The following SNRPD1 variants were observed in gnomAD, a reference collection of about 807,000 sequenced individuals.
SNRPD1 encodes the protein small nuclear ribonucleoprotein D1 polypeptide.
Under a neutral mutation model 14.4 loss-of-function variants are expected in SNRPD1, and 1 was observed. The ratio of observed to expected loss-of-function variants is 0.07; its 90% CI spans 0.02 to 0.33. SNRPD1 has a LOEUF of 0.33. Ranked by LOEUF, SNRPD1 falls within the 10% of genes least tolerant of loss-of-function variation. The pLI is 1.00. For synonymous variants in SNRPD1, 42 were observed against 50.3 expected, an observed-to-expected ratio of 0.83 and a Z score of 0.70; for missense variants, 52 against 146.4, an observed-to-expected ratio of 0.36 and a Z score of 3.33.
Position 21,629,973 on chromosome 18 carries a change from T to G in SNRPD1, c.*835T>G, listed in dbSNP as rs974818703. 3 of 152,196 alleles carry G rather than the reference T, an allele frequency of 2.0e-5. No individual in the cohort carries two copies. Among genetic ancestry groups the G allele is most frequent in the African/African-American group, 7.2e-5 (3 of 41,450 alleles). 9.4% of individuals were successfully genotyped at this position (152,196 alleles called of 1,614,324 possible). ...GAGTTTTACTCCACGGAGTCTTAGG[T>G]ACCTGGTAAAAAGTTGTCTTCTAAA... is the stretch of plus-strand genomic sequence containing the variant. On this transcript the variant is annotated 3_prime_UTR_variant, in exon 4 of 4. Transcript: ENST00000300413.
At chr18:21,621,241 A>G (rs573382585) in intron 1 of SNRPD1, among the ~76,000 whole-genome samples, 14 of 152,296 alleles carry the variant, frequency 9.2e-5, no homozygotes, top group East Asian at 3.9e-4. Flanking sequence ...CAAATTGACA[A>G]AAATTTGAAA....
chr18:21,618,800 TA>T (rs962502915), intron 1 of SNRPD1, among the ~76,000 whole-genome samples: 1 of 150,322 alleles, frequency 6.7e-6, no homozygotes, highest in Non-Finnish European at 1.5e-5. Flanking sequence ...TCTATACCAC[TA>T]AAAAAAAAGA....
intron 3 of SNRPD1, 91 bp from the exon 4 acceptor site, chr18:21,628,971 G>A: frequency 2.1e-6 from 2 of 936,652 alleles, no homozygotes; most frequent in Non-Finnish European, 3.5e-6. Context: ...CTATAAACAG[G>A]GAAAGGTGTG....
At position 21,612,346 on chromosome 18, in the gene SNRPD1, C is replaced by G. The variant is rs369850023; in HGVS notation, c.-84C>G. On this transcript the variant is annotated 5_prime_UTR_variant, in exon 1 of 4. Transcript: ENST00000300413. ...TCCGGAGCCCCTGGAGTAGGCGCTT[C>G]CGGCCATTCATACTGCAGTCGGTCA... The G allele has an allele frequency of 7.4e-4, 808 of 1,090,578 alleles. No individual in the cohort carries two copies. The highest frequency in any genetic ancestry group is 1.0e-3 in the Non-Finnish European group (773 of 774,810). 67.6% of individuals were successfully genotyped at this position (1,090,578 alleles called of 1,614,324 possible).
chr18:21,612,329 C>A lies in SNRPD1; in HGVS notation c.-101C>A, dbSNP rs1273189332. On this transcript the variant is annotated 5_prime_UTR_variant, in exon 1 of 4. Transcript: ENST00000300413. Reference sequence around the variant, plus strand: ...TCCGCGCGCTCTTGACGTCCGGAGCCCCTGGAGTAGGCGCTTCCGGCCATT... The same window carrying A: ...TCCGCGCGCTCTTGACGTCCGGAGCACCTGGAGTAGGCGCTTCCGGCCATT... 3.5e-6 allele frequency: 3 copies of A among 848,152 alleles called. No individual in the cohort carries two copies. Among genetic ancestry groups the A allele is most frequent in the Non-Finnish European group, 5.3e-6 (3 of 564,540 alleles). 52.5% of individuals were successfully genotyped at this position (848,152 alleles called of 1,614,324 possible).
intron 2 of SNRPD1, among the ~76,000 whole-genome samples, chr18:21,623,282 G>C (rs1443784294): frequency 6.6e-6 from 1 of 152,090 alleles, no homozygotes; most frequent in Admixed American, 6.6e-5. Context: ...TGGTAGAGAC[G>C]GGGTTTCATC....
chr18:21,623,983 A>G (rs535777468), intron 3 of SNRPD1, 44 bp downstream of exon 3: 2 of 1,089,100 alleles, frequency 1.8e-6, no homozygotes, highest in African/African-American at 3.2e-5. Context: ...TGCTAATCCT[A>G]ATCCACACTA....
chr18:21,630,922 A>C lies in SNRPD1; in HGVS notation c.*1784A>C, dbSNP rs932103509. Reference sequence around the variant, plus strand: ...ATATTGGTATAAATAAATACTAGATATATATTTTTTTAAGTATCTTACCTC... The same window carrying C: ...ATATTGGTATAAATAAATACTAGATCTATATTTTTTTAAGTATCTTACCTC... On this transcript the variant is annotated 3_prime_UTR_variant, in exon 4 of 4. Transcript: ENST00000300413. 7 of 150,594 alleles carry C rather than the reference A, an allele frequency of 4.6e-5. No individual in the cohort carries two copies. The Admixed American group carries it at 4.7e-4, about 10-fold the overall frequency. The allele number at this position is 150,594 out of a possible 1,614,324, so 9.3% of individuals were successfully genotyped here. A position where few individuals can be genotyped will look rare whatever the true frequency, so the allele number is the denominator to read the frequency against.
At chr18:21,625,397 A>G (rs1417594175) in intron 3 of SNRPD1, among the ~76,000 whole-genome samples, 11 of 140,624 alleles carry the variant, frequency 7.8e-5, no homozygotes, top group Non-Finnish European at 1.6e-4. Flanking sequence ...GCTCACTGCA[A>G]CCTCTGCCTC....
chr18:21,619,105 T>C lies in SNRPD1; in HGVS notation c.15-3620T>C, dbSNP rs199619689. On this transcript the variant is annotated intron_variant, in intron 1 of 3. Coordinates refer to ENST00000300413, the MANE Select transcript of SNRPD1 (RefSeq NM_006938.4). The stretch of plus-strand genomic sequence containing the variant: ...ATGTGATTGTGAGATTATGGTTATA[T>C]AGGAGAATGTCATTAGAAAATGCAT... Among the ~76,000 whole-genome samples, 3 of 152,210 alleles carry C rather than the reference T, an allele frequency of 2.0e-5. No individual in the cohort carries two copies. In the East Asian group the frequency reaches 5.8e-4, roughly 29 times the overall value.
chr18:21,625,309 GA>G (rs201010894), intron 3 of SNRPD1, among the ~76,000 whole-genome samples: 5 of 88,170 alleles, frequency 5.7e-5, no homozygotes, highest in Non-Finnish European at 8.3e-5. Context: ...AAATTTTGTT[GA>G]AAAAAATTTT....
chr18:21,628,203 G>A (rs1047318578), intron 3 of SNRPD1, among the ~76,000 whole-genome samples: 1 of 152,042 alleles, frequency 6.6e-6, no homozygotes, highest in African/African-American at 2.4e-5. Context: ...AACAAAGGGA[G>A]ACCTCATCTC....
chr18:21,613,958 T>G (rs1412101935), intron 1 of SNRPD1, among the ~76,000 whole-genome samples: 9 of 151,492 alleles, frequency 5.9e-5, no homozygotes, highest in Admixed American at 5.3e-4. Flanking sequence ...TAACTTTGGA[T>G]AGGAAGTCAT....
intron 2 of SNRPD1, among the ~76,000 whole-genome samples, chr18:21,623,146 C>T (rs954436745): frequency 6.6e-6 from 1 of 152,002 alleles, no homozygotes; most frequent in South Asian, 2.1e-4. Flanking sequence ...AGTGCAGTGG[C>T]ACAATCTCAG....
intron 3 of SNRPD1, among the ~76,000 whole-genome samples, chr18:21,626,179 A>C (rs549420113): frequency 2.6e-5 from 4 of 151,172 alleles, no homozygotes; most frequent in African/African-American, 9.7e-5. Context: ...GATCGCCTGA[A>C]CTCGGAAGTT....
At chr18:21,623,319 C>T (rs1203133835) in intron 2 of SNRPD1, among the ~76,000 whole-genome samples, 1 of 152,202 alleles carries the variant, frequency 6.6e-6, no homozygotes, top group Non-Finnish European at 1.5e-5. Flanking sequence ...TCTCGAACTC[C>T]TGACCTCATG....
chr18:21,633,496 C>A lies in SNRPD1; in HGVS notation c.*4358C>A, dbSNP rs1192589076. 1 of 151,976 alleles carries A rather than the reference C, an allele frequency of 6.6e-6. No individual in the cohort carries two copies. Among genetic ancestry groups the A allele is most frequent in the Non-Finnish European group, 1.5e-5 (1 of 68,000 alleles). 9.4% of individuals were successfully genotyped at this position (151,976 alleles called of 1,614,324 possible). Reference sequence around the variant, plus strand: ...TTATTAATGTGAAATTCTTGTGGATCTGTGAAATAAAGAGGAGTACTTTCT... The same window carrying A: ...TTATTAATGTGAAATTCTTGTGGATATGTGAAATAAAGAGGAGTACTTTCT... On this transcript the variant is annotated 3_prime_UTR_variant, in exon 4 of 4. Coordinates refer to ENST00000300413, the MANE Select transcript of SNRPD1 (RefSeq NM_006938.4).
At chr18:21,614,183 GGATCACTT>G (rs1488253481) in intron 1 of SNRPD1, among the ~76,000 whole-genome samples, 1 of 151,998 alleles carries the variant, frequency 6.6e-6, no homozygotes, top group Non-Finnish European at 1.5e-5. Context: ...TGAGGTAAGA[GGATCACTT>G]GATCCTGGGA....
intron 1 of SNRPD1, among the ~76,000 whole-genome samples, chr18:21,618,404 C>T (rs1173275727): frequency 1.3e-5 from 2 of 150,046 alleles, no homozygotes; most frequent in South Asian, 2.1e-4. Flanking sequence ...GTTATTTTTA[C>T]GTATCTTTTA....
Sources: allele counts gnomAD v4.1 joint callset (sites outside exome capture counted in the v4.1 genomes callset), GRCh38; gene constraint gnomAD v4.1.1; transcripts MANE v1.5; gene names NCBI Gene and HGNC (gene_info 2026-07-23, HGNC 2026-07-21).